Variants in CCDC171 observed in about 807,000 individuals in gnomAD.
The protein encoded by CCDC171 is coiled-coil domain containing 171, also known as coiled-coil domain-containing protein 171.
Under a neutral mutation model 168.2 loss-of-function variants are expected in CCDC171, and 177 were observed. The observed-to-expected ratio is 1.05, with a 90% confidence interval of 0.93 to 1.19. The LOEUF is 1.19. Ranked by LOEUF, CCDC171 falls within the 50% of genes most tolerant of loss-of-function variation. The pLI is 0.00. For synonymous variants in CCDC171, 687 were observed against 540.8 expected (o/e 1.27, Z -3.75); for missense variants, 1,991 against 1,539.0 (o/e 1.29, Z -4.91).
intron 4 of CCDC171, among the ~76,000 whole-genome samples, chr9:15,583,364 A>T (rs1266943679): frequency 6.7e-6 from 1 of 149,440 alleles, no homozygotes; most frequent in Non-Finnish European, 1.5e-5. Context: ...GTGAGCCAAG[A>T]TCGCACCACT....
chr9:15,941,604 C>T (rs1827743680), intron 25 of CCDC171, among the ~76,000 whole-genome samples: 1 of 151,878 alleles, frequency 6.6e-6, no homozygotes, highest in Non-Finnish European at 1.5e-5. Flanking sequence ...TTTAATGTTT[C>T]AAAGCCAGTG....
intron 5 of CCDC171, among the ~76,000 whole-genome samples, chr9:15,593,240 T>G (rs966448261): frequency 1.3e-5 from 2 of 152,180 alleles, no homozygotes; most frequent in Non-Finnish European, 2.9e-5. Flanking sequence ...TGAGAGGCTT[T>G]CTTTCTCTCG....
At position 15,739,290 on chromosome 9, in the gene CCDC171, A is replaced by G. The variant is rs932134595; in HGVS notation, c.2050-4983A>G. On this transcript the variant is annotated intron_variant, in intron 16 of 25. Coordinates refer to ENST00000380701, the MANE Select transcript of CCDC171 (RefSeq NM_173550.4). ...TCTACAGAACATGTTAAATTGTGAA[A>G]AGTAGTGGTGAGGCTAATGCCTGTA... Among the ~76,000 whole-genome samples the G allele has an allele frequency of 2.6e-5, 4 of 152,170 alleles. No homozygotes were observed. In the East Asian group the frequency reaches 7.7e-4, roughly 29 times the overall value.
chr9:15,877,179 GAAAC>G lies in CCDC171; in HGVS notation c.3600+2540_3600+2543del, dbSNP rs3082868. On this transcript the variant is annotated intron_variant, in intron 24 of 25. Coordinates refer to ENST00000380701, the MANE Select transcript of CCDC171 (RefSeq NM_173550.4). ...GCTTTCCCCTCCAACTTTCTTAGCT[GAAAC>G]AAACAAACAAACAAACAAACAAAAA... 1.3e-3 allele frequency among the ~76,000 whole-genome samples: 199 copies of G among 150,076 alleles called. 2 individuals carry two copies. Among genetic ancestry groups the G allele is most frequent in the African/African-American group, 3.7e-3 (153 of 40,878 alleles).
chr9:16,095,397 C>T, the CCDC171 span, among the ~76,000 whole-genome samples: 2 of 152,160 alleles, frequency 1.3e-5, no homozygotes, highest in Non-Finnish European at 2.9e-5. Flanking sequence ...CTTTCCCCTA[C>T]TCCTATTCTT....
At chr9:15,991,784 G>A (rs529995746) in intron 3 of CCDC171, among the ~76,000 whole-genome samples, 59 of 152,296 alleles carry the variant, frequency 3.9e-4, no homozygotes, top group Admixed American at 3.7e-3. Flanking sequence ...ATTACCATCA[G>A]AGAATACTAT....
intron 3 of CCDC171, among the ~76,000 whole-genome samples, chr9:16,008,777 T>C (rs1832778814): frequency 6.6e-6 from 1 of 152,198 alleles, no homozygotes; most frequent in Admixed American, 6.5e-5. Flanking sequence ...GTAAGCAGAA[T>C]GGAATTGCCT....
chr9:15,654,724 G>A (rs751056980), intron 7 of CCDC171, among the ~76,000 whole-genome samples: 2 of 152,158 alleles, frequency 1.3e-5, no homozygotes, highest in African/African-American at 2.4e-5. Flanking sequence ...CAGCGTGAGC[G>A]ACGCAGAAGA....
intron 16 of CCDC171, 74 bp downstream of exon 16, chr9:15,729,872 T>A: frequency 2.6e-6 from 3 of 1,164,818 alleles, no homozygotes; most frequent in Non-Finnish European, 3.7e-6. Flanking sequence ...TTTTTTTCAG[T>A]AGCAGTGCTA....
intron 24 of CCDC171, among the ~76,000 whole-genome samples, chr9:15,902,265 T>C (rs868227658): frequency 5.5e-5 from 5 of 90,744 alleles, no homozygotes; most frequent in African/African-American, 1.6e-4. Flanking sequence ...TATATATGTA[T>C]ATATATATAT....
At chr9:15,601,831 A>C (rs957973971) in intron 6 of CCDC171, among the ~76,000 whole-genome samples, 4 of 152,224 alleles carry the variant, frequency 2.6e-5, no homozygotes, top group African/African-American at 9.6e-5. Context: ...TTTATTTCTA[A>C]ACACTCAGCC....
chr9:16,059,532 G>T (rs1315350940), intron 1 of CCDC171, among the ~76,000 whole-genome samples: 1 of 131,308 alleles, frequency 7.6e-6, no homozygotes, highest in African/African-American at 3.1e-5. Context: ...TTTTGAGACG[G>T]AGTCTCGCTC....
chr9:15,843,419 A>G (rs2060767247), intron 21 of CCDC171, among the ~76,000 whole-genome samples: 1 of 152,082 alleles, frequency 6.6e-6, no homozygotes, highest in Non-Finnish European at 1.5e-5. Flanking sequence ...ATTGTTCACA[A>G]CACTGTTTAA....
chr9:15,845,093 C>A (rs1169541032), intron 21 of CCDC171, among the ~76,000 whole-genome samples: 2 of 151,926 alleles, frequency 1.3e-5, no homozygotes, highest in Non-Finnish European at 2.9e-5. Flanking sequence ...TTTTTTGTTG[C>A]TTGAAAGATG....
Position 15,784,657 on chromosome 9 carries a change from A to C in CCDC171, c.3230A>C (p.Glu1077Ala). ...AAACTTGAATTGCACTCCAGTGAGG[A>C]AGCTGACAAAAACCAAACTCTTGGA... ...NYKLELHSSE[E>A]ADKNQTLGEA... Residue 1077 changes from glutamate to alanine, a missense_variant, in exon 21 of 26, where the codon GAA (glutamate) becomes GCA (alanine). By Grantham distance (107) the Glu-to-Ala change is moderately radical. Coordinates refer to ENST00000380701, the MANE Select transcript of CCDC171 (RefSeq NM_173550.4). 6.2e-7 allele frequency: 1 copy of C among 1,613,270 alleles called. No homozygotes were observed. Among genetic ancestry groups the C allele is most frequent in the Non-Finnish European group, 8.5e-7 (1 of 1,179,568 alleles).
At chr9:15,590,589 A>G (rs1203575508) in intron 4 of CCDC171, among the ~76,000 whole-genome samples, 4 of 152,206 alleles carry the variant, frequency 2.6e-5, no homozygotes, top group Non-Finnish European at 5.9e-5. Context: ...CAAAGTAAAT[A>G]GTTACAGTTC....
chr9:15,978,407 G>A (rs1367173156), downstream of CCDC171, among the ~76,000 whole-genome samples: 1 of 152,118 alleles, frequency 6.6e-6, no homozygotes, highest in Non-Finnish European at 1.5e-5. Flanking sequence ...TGTGACTGGT[G>A]CACGACAGGT....
chr9:15,845,978 G>A (rs2060878582), intron 21 of CCDC171, among the ~76,000 whole-genome samples: 1 of 152,032 alleles, frequency 6.6e-6, no homozygotes, highest in Non-Finnish European at 1.5e-5. Flanking sequence ...AAAGTAGATA[G>A]CAAATATAAA....
chr9:15,722,446 T>A (rs886981230), intron 12 of CCDC171, among the ~76,000 whole-genome samples: 5 of 152,264 alleles, frequency 3.3e-5, no homozygotes, highest in Non-Finnish European at 7.3e-5. Context: ...CCATTTGTAT[T>A]GTTTAATGTG....
Sources: gnomAD v4.1 joint callset for allele counts (sites outside exome capture counted in the v4.1 genomes callset) on GRCh38, gnomAD v4.1.1 for gene constraint, MANE v1.5 for transcripts, NCBI Gene and HGNC (gene_info 2026-07-23, HGNC 2026-07-21) for gene names.